HIPK3: variants seen among roughly 807,000 people sequenced by gnomAD.
HIPK3 encodes homeodomain-interacting protein kinase 3.
Under a neutral mutation model 124.2 loss-of-function variants are expected in HIPK3, and 47 were observed. The observed-to-expected ratio is 0.38, with a 90% CI of 0.30 to 0.48. HIPK3 has a LOEUF of 0.48. Among genes scored for constraint, HIPK3 ranks in the 20% least tolerant of loss-of-function variants. The probability of loss-of-function intolerance (pLI) is 0.98; values close to 1 mark genes in which losing one functional copy is unlikely to be tolerated. For missense variants in HIPK3, 1,286 were observed against 1,454.3 expected, an observed-to-expected ratio of 0.88 and a Z score of 1.88; for synonymous variants, 482 against 515.2, an observed-to-expected ratio of 0.94 and a Z score of 0.87.
At chr11:33,329,730 T>G (rs1183572674) in intron 3 of HIPK3, among the ~76,000 whole-genome samples, 1 of 152,236 alleles carries the variant, frequency 6.6e-6, no homozygotes, top group Non-Finnish European at 1.5e-5. Context: ...ACATCCTGTC[T>G]TCTTTCAGCT....
chr11:33,289,702 A>T (rs188683375), intron 2 of HIPK3, among the ~76,000 whole-genome samples: 8 of 152,296 alleles, frequency 5.3e-5, no homozygotes, highest in African/African-American at 1.9e-4. Flanking sequence ...TGTTAAATGA[A>T]CAATAAATTA....
chr11:33,318,189 C>T (rs1255569134), intron 2 of HIPK3, among the ~76,000 whole-genome samples: 1 of 151,882 alleles, frequency 6.6e-6, no homozygotes, highest in Non-Finnish European at 1.5e-5. Context: ...CTGAGCACTT[C>T]CATTAAGATA....
intron 1 of HIPK3, among the ~76,000 whole-genome samples, chr11:33,259,002 C>G (rs759269498): frequency 5.3e-5 from 8 of 152,148 alleles, no homozygotes; most frequent in Non-Finnish European, 1.0e-4. Context: ...CTGTCTGGTA[C>G]AGGGCCGGAA....
chr11:33,324,647 C>T (rs1020416108), intron 2 of HIPK3, among the ~76,000 whole-genome samples: 2 of 152,324 alleles, frequency 1.3e-5, no homozygotes, highest in South Asian at 2.1e-4. Context: ...CCTTTGGGCC[C>T]CTTCCCACCA....
At chr11:33,342,102 C>CAAAAAAA (rs58073130) in intron 8 of HIPK3, among the ~76,000 whole-genome samples, 7 of 55,582 alleles carry the variant, frequency 1.3e-4, no homozygotes, top group East Asian at 5.2e-4. Flanking sequence ...GACTCTGTCT[C>CAAAAAAA]AAAAAAAAAA....
chr11:33,352,316 T>C lies in HIPK3; in HGVS notation c.3171+51T>C, dbSNP rs371168849. 1.9e-5 allele frequency: 30 copies of C among 1,590,950 alleles called. No individual in the cohort carries two copies. The African/African-American group carries it at 3.0e-4, about 16-fold the overall frequency. On this transcript the variant is annotated intron_variant, in intron 16 of 16. Transcript: ENST00000303296. ...AGTCTGTGGGATTCAAATTTAGCAG[T>C]TGTTTTTCACGTGGAGGAGAAAGCT...
Position 33,339,416 on chromosome 11 carries a change from G to T in HIPK3, c.1495G>T (p.Val499Phe), listed in dbSNP as rs1362722760. Residue 499 changes from valine to phenylalanine, a missense_variant, in exon 6 of 17, where the codon GTT (valine) becomes TTT (phenylalanine). Val to Phe is a conservative substitution (Grantham distance 50). Transcript: ENST00000303296. ...LAEKADRREF[V>F]SLLKKMLLID... ...TGAGAAAGCTGATAGAAGAGAATTT[G>T]TTAGTCTGTTGAAGAAAATGTTGCT... 1 of 1,613,540 alleles carries T rather than the reference G, an allele frequency of 6.2e-7. No homozygotes were observed.
chr11:33,276,215 A>G (rs1403097319), intron 1 of HIPK3, among the ~76,000 whole-genome samples: 1 of 151,944 alleles, frequency 6.6e-6, no homozygotes, highest in Non-Finnish European at 1.5e-5. Flanking sequence ...AGTTGCAGGC[A>G]TGTCCCTTTA....
intron 2 of HIPK3, among the ~76,000 whole-genome samples, chr11:33,313,809 C>T (rs993830901): frequency 5.9e-5 from 9 of 151,970 alleles, no homozygotes; most frequent in Middle Eastern, 3.2e-3. Flanking sequence ...CACAAGTACC[C>T]GGTCTTATGG....
chr11:33,266,340 T>C (rs942258753), intron 1 of HIPK3, among the ~76,000 whole-genome samples: 11 of 152,034 alleles, frequency 7.2e-5, no homozygotes, highest in Non-Finnish European at 1.6e-4. Context: ...AAATAAATGA[T>C]ATTAAAATAG....
intron 2 of HIPK3, among the ~76,000 whole-genome samples, chr11:33,298,773 A>T (rs959435568): frequency 5.3e-5 from 8 of 152,194 alleles, no homozygotes; most frequent in Non-Finnish European, 1.2e-4. Context: ...GAGTTAGTAG[A>T]ATTAGAAGTG....
intron 2 of HIPK3, among the ~76,000 whole-genome samples, chr11:33,321,484 G>A (rs568780632): frequency 2.0e-5 from 3 of 152,234 alleles, no homozygotes; most frequent in Non-Finnish European, 4.4e-5. Flanking sequence ...TGGTAATGAG[G>A]GTGGGAAATT....
At position 33,257,710 on chromosome 11, in the gene HIPK3, G is replaced by A; in HGVS notation, c.-182G>A. On this transcript the variant is annotated 5_prime_UTR_variant, in exon 1 of 17. Transcript: ENST00000303296. ...AGCGGTCGGGGGAGGGTGTTTCGCC[G>A]TTTCCTCTCAGCCGCCAGGACAAGA... 1 of 990,692 alleles carries A rather than the reference G, an allele frequency of 1.0e-6. No homozygotes were observed. The allele number at this position is 990,692 out of a possible 1,614,324, so 61.4% of individuals were successfully genotyped here.
chr11:33,348,196 G>T lies in HIPK3; in HGVS notation c.2337G>T (p.Glu779Asp). 6.2e-7 allele frequency: 1 copy of T among 1,613,950 alleles called. No individual in the cohort carries two copies. Among genetic ancestry groups the T allele is most frequent in the South Asian group, 1.1e-5 (1 of 91,056 alleles). Residue 779 changes from glutamate to aspartate, a missense_variant, in exon 12 of 17, where the codon GAG (glutamate) becomes GAT (aspartate). Physicochemically the swap from Glu to Asp is conservative, Grantham distance 45. This residue lies in a region of HIPK3 where 810 missense variants were observed against 864.9 expected (regional missense o/e 0.94). Coordinates refer to ENST00000303296, the MANE Select transcript of HIPK3 (RefSeq NM_005734.5). ...RGILVKLMEW[E>D]PGREEINAFS... ...TTTTGGTAAAACTAATGGAATGGGA[G>T]CCAGGAAGAGAGGAAATAAATGCTT...
intron 2 of HIPK3, among the ~76,000 whole-genome samples, chr11:33,311,170 T>G (rs1410085944): frequency 6.6e-6 from 1 of 152,224 alleles, no homozygotes; most frequent in East Asian, 1.9e-4. Context: ...CTGATGACTT[T>G]GCGCATTGTT....
intron 2 of HIPK3, among the ~76,000 whole-genome samples, chr11:33,303,335 GT>G (rs950462750): frequency 6.6e-6 from 1 of 152,166 alleles, no homozygotes; most frequent in African/African-American, 2.4e-5. Context: ...AAAAAAGTCT[GT>G]ACGTGTTCTG....
chr11:33,350,313 A>G (rs952397439), intron 14 of HIPK3, among the ~76,000 whole-genome samples: 1 of 152,134 alleles, frequency 6.6e-6, no homozygotes, highest in Non-Finnish European at 1.5e-5. Context: ...GGCCAGCGAC[A>G]TGTACCACTG....
chr11:33,333,627 G>A (rs1330497730), intron 3 of HIPK3, among the ~76,000 whole-genome samples: 13 of 152,128 alleles, frequency 8.5e-5, no homozygotes, highest in Non-Finnish European at 4.4e-5. Flanking sequence ...TCAAAAGACT[G>A]GGCAGACAGT....
At chr11:33,298,252 G>C (rs1235526556) in intron 2 of HIPK3, among the ~76,000 whole-genome samples, 2 of 152,162 alleles carry the variant, frequency 1.3e-5, no homozygotes, top group African/African-American at 4.8e-5. Flanking sequence ...GCCTGGATTA[G>C]AGCATATCTA....
Sources: allele counts gnomAD v4.1 joint callset (sites outside exome capture counted in the v4.1 genomes callset), GRCh38; gene constraint gnomAD v4.1.1; regional missense constraint gnomAD v4.1.1; transcripts MANE v1.5; gene names NCBI Gene and HGNC (gene_info 2026-07-23, HGNC 2026-07-21).